SCIMP: variants seen among roughly 807,000 people sequenced by gnomAD.
SCIMP encodes the protein SLP adaptor and CSK interacting membrane protein.
SCIMP carries 18 observed loss-of-function variants against 22.0 expected under a neutral mutation model. The ratio of observed to expected loss-of-function variants is 0.82; its 90% confidence interval spans 0.56 to 1.21. The LOEUF is 1.21. Among genes scored for constraint, SCIMP ranks in the 50% most tolerant of loss-of-function variants. SCIMP has a pLI of 0.00. For missense variants in SCIMP, 155 were observed against 171.2 expected, an observed-to-expected ratio of 0.91 and a Z score of 0.53; for synonymous variants, 53 against 62.2, an observed-to-expected ratio of 0.85 and a Z score of 0.70.
At chr17:5,231,818 G>A (rs2074697102) in intron 1 of SCIMP, among the ~76,000 whole-genome samples, 1 of 152,224 alleles carries the variant, frequency 6.6e-6, no homozygotes, top group Non-Finnish European at 1.5e-5. Context: ...ACTTTGGGAG[G>A]CTGAGGCGGG....
At chr17:5,215,039 G>T in intron 3 of SCIMP, 41 bp from the exon 4 acceptor site, 2 of 1,263,572 alleles carry the variant, frequency 1.6e-6, no homozygotes, top group Non-Finnish European at 2.3e-6. Context: ...TTTGGTTTGG[G>T]CCATGCCTGC....
intron 1 of SCIMP, among the ~76,000 whole-genome samples, chr17:5,226,103 T>C (rs2074646698): frequency 6.6e-6 from 1 of 152,198 alleles, no homozygotes; most frequent in Non-Finnish European, 1.5e-5. Context: ...CAATACTCTT[T>C]AGAGCGATAG....
intron 1 of SCIMP, among the ~76,000 whole-genome samples, chr17:5,228,794 T>C (rs1426754975): frequency 6.6e-6 from 1 of 152,158 alleles, no homozygotes; most frequent in East Asian, 1.9e-4. Flanking sequence ...AGCAGAGGCT[T>C]TGCCTGTAAT....
chr17:5,228,097 G>C (rs1398165480), intron 1 of SCIMP, among the ~76,000 whole-genome samples: 2 of 151,896 alleles, frequency 1.3e-5, no homozygotes, highest in African/African-American at 4.8e-5. Flanking sequence ...GCTTGACACT[G>C]GGAGGCGGAG....
At chr17:5,234,423 C>G (rs764435301) in intron 1 of SCIMP, among the ~76,000 whole-genome samples, 2 of 151,828 alleles carry the variant, frequency 1.3e-5, no homozygotes, top group African/African-American at 2.4e-5. Flanking sequence ...CAGTTGAGAC[C>G]TCTCACTCCC....
chr17:5,225,364 C>T (rs1037701830), intron 1 of SCIMP, among the ~76,000 whole-genome samples: 10 of 152,152 alleles, frequency 6.6e-5, no homozygotes, highest in Non-Finnish European at 1.3e-4. Context: ...ACTCAGGAGG[C>T]TGAGGCGGGA....
chr17:5,234,547 A>T, intron 1 of SCIMP, 188 bp downstream of exon 1: 1 of 630,990 alleles, frequency 1.6e-6, no homozygotes, highest in Non-Finnish European at 2.8e-6. Context: ...GCCAGTTACC[A>T]GTAGAGCAGA....
intron 3 of SCIMP, among the ~76,000 whole-genome samples, chr17:5,220,461 G>A (rs1388850755): frequency 1.3e-5 from 2 of 150,394 alleles, no homozygotes; most frequent in Non-Finnish European, 3.0e-5. Context: ...AAAAGAGGCT[G>A]GGTGCAGTGG....
At chr17:5,222,341 T>C (rs2144327517) in intron 2 of SCIMP, among the ~76,000 whole-genome samples, 1 of 152,246 alleles carries the variant, frequency 6.6e-6, no homozygotes, top group East Asian at 1.9e-4. Flanking sequence ...TCCACCCACC[T>C]CAGCCTCCCA....
chr17:5,214,923 A>T lies in SCIMP; in HGVS notation c.283+2T>A, dbSNP rs1462308186. 3.5e-5 allele frequency: 55 copies of T among 1,566,480 alleles called. 1 individual carries two copies. The highest frequency in any genetic ancestry group is 4.8e-5 in the Non-Finnish European group (55 of 1,137,002). On this transcript the variant is annotated splice_donor_variant, in intron 4 of 4. Coordinates refer to ENST00000574081, the MANE Select transcript of SCIMP (RefSeq NM_207103.3). LOFTEE classifies it high-confidence loss of function. ...AAACTGCTACCAGTAAAATATACTT[A>T]CAAGAGTCTTCTAGAGAAGGCCAAT...
chr17:5,212,470 T>TA (rs1354062704), intron 4 of SCIMP, among the ~76,000 whole-genome samples: 1 of 152,104 alleles, frequency 6.6e-6, no homozygotes, highest in Non-Finnish European at 1.5e-5. Flanking sequence ...CCATCTCTAC[T>TA]AAAAATACAA....
At position 5,211,019 on chromosome 17, in the gene SCIMP, G is replaced by A. The variant is rs138748464; in HGVS notation, c.284-64C>T. 318 of 1,533,904 alleles carry A rather than the reference G, an allele frequency of 2.1e-4. No homozygotes were observed. The African/African-American group carries it at 3.9e-3, about 19-fold the overall frequency. On this transcript the variant is annotated intron_variant, in intron 4 of 4. Transcript: ENST00000574081. ...ATGTGTTTTTATATTTTTGAAGGCAGTGGCTCAGCGTGATTTTCACGTTTC... is the reference window on the plus strand; with the variant it reads ...ATGTGTTTTTATATTTTTGAAGGCAATGGCTCAGCGTGATTTTCACGTTTC...
intron 1 of SCIMP, among the ~76,000 whole-genome samples, chr17:5,229,445 G>A (rs1597294923): frequency 7.5e-6 from 1 of 132,582 alleles, no homozygotes; most frequent in Non-Finnish European, 1.5e-5. Flanking sequence ...CCAGGCTGGA[G>A]TGCAGTGGCG....
intron 3 of SCIMP, among the ~76,000 whole-genome samples, chr17:5,217,404 G>A (rs58173995): frequency 6.6e-6 from 1 of 151,502 alleles, no homozygotes; most frequent in Non-Finnish European, 1.5e-5. Context: ...GTGTGTGTGT[G>A]TGTGTGTTTG....
At chr17:5,233,145 C>T (rs979642207) in intron 1 of SCIMP, among the ~76,000 whole-genome samples, 6 of 152,262 alleles carry the variant, frequency 3.9e-5, no homozygotes, top group Admixed American at 2.0e-4. Flanking sequence ...TTCTTCCCTT[C>T]TCTATACTTT....
intron 4 of SCIMP, among the ~76,000 whole-genome samples, 156 bp from the exon 5 acceptor site, chr17:5,211,111 C>G (rs1427568376): frequency 6.6e-6 from 1 of 152,220 alleles, no homozygotes; most frequent in East Asian, 1.9e-4. Context: ...ACAGACCTGA[C>G]AGAGCCTCAG....
chr17:5,217,896 A>G (rs571418063), intron 3 of SCIMP, among the ~76,000 whole-genome samples: 1 of 152,230 alleles, frequency 6.6e-6, no homozygotes, highest in South Asian at 2.1e-4. Context: ...TCTTTATAGC[A>G]GCATGATTTA....
Position 5,210,412 on chromosome 17 carries a change from C to T in SCIMP, c.*389G>A, listed in dbSNP as rs1446786796. On this transcript the variant is annotated 3_prime_UTR_variant, in exon 5 of 5. Coordinates refer to ENST00000574081, the MANE Select transcript of SCIMP (RefSeq NM_207103.3). ...GGGGATGGGAGCCTGGGAGGGTCTG[C>T]ACAACCAAATGCTGAGATTTAATAT... 6.2e-6 allele frequency: 1 copy of T among 162,220 alleles called. No individual in the cohort carries two copies. Among genetic ancestry groups the T allele is most frequent in the Admixed American group, 6.0e-5 (1 of 16,728 alleles). The allele number at this position is 162,220 out of a possible 1,614,324, so 10.0% of individuals were successfully genotyped here. A position where few individuals can be genotyped will look rare whatever the true frequency, so the allele number is the denominator to read the frequency against.
chr17:5,215,954 C>T (rs532011805), intron 3 of SCIMP, among the ~76,000 whole-genome samples: 9 of 151,994 alleles, frequency 5.9e-5, no homozygotes, highest in African/African-American at 1.9e-4. Flanking sequence ...CTTTGGGAGG[C>T]GAAAGAGGGA....
Sources: allele counts gnomAD v4.1 joint callset (sites outside exome capture counted in the v4.1 genomes callset), GRCh38; gene constraint gnomAD v4.1.1; transcripts MANE v1.5; gene names NCBI Gene and HGNC (gene_info 2026-07-23, HGNC 2026-07-21).